The following SLC7A14 variants were observed in gnomAD, a reference collection of about 807,000 sequenced individuals.
SLC7A14 encodes the protein solute carrier family 7 member 14, also known as gamma-aminobutyric acid transporter SLC7A14.
In SLC7A14, 37 loss-of-function variants were observed where a neutral mutation model predicts 60.2. The ratio of observed to expected loss-of-function variants is 0.61; its 90% CI spans 0.47 to 0.81. The LOEUF is 0.81. SLC7A14 is among the 30% of genes least tolerant of loss of function. The pLI is 0.00. For synonymous variants in SLC7A14, 399 were observed against 395.8 expected, an observed-to-expected ratio of 1.01 and a Z score of -0.10; for missense variants, 886 against 982.7, an observed-to-expected ratio of 0.90 and a Z score of 1.32.
At chr3:170,520,445 C>G (rs948109151) in intron 2 of SLC7A14, among the ~76,000 whole-genome samples, 3 of 152,132 alleles carry the variant, frequency 2.0e-5, no homozygotes, top group Non-Finnish European at 4.4e-5. Context: ...CAATGGGACC[C>G]AATAGCAATG....
In SLC7A14 at chr3:170,467,271, G is replaced by T. The variant is rs1560245527; in HGVS notation, c.2100C>A (p.Asp700Glu). ...AGAAACCCTCCTCCACTGAGAAGGG[G>T]TCATCCACGTCGTAGCGTTGGTACG... ...QSTYQRYDVD[D>E]PFSVEEGFSY... is the part of the protein sequence containing the mutation. Residue 700 changes from aspartate (D) to glutamate (E), a missense_variant, in exon 8 of 8, where the codon GAC becomes GAA. Physicochemically the swap from Asp to Glu is conservative, Grantham distance 45. Transcript: ENST00000231706. 2 of 1,614,234 alleles carry T rather than the reference G, an allele frequency of 1.2e-6. No homozygotes were observed. The highest frequency in any genetic ancestry group is 1.7e-6 in the Non-Finnish European group (2 of 1,180,038).
chr3:170,551,036 G>A (rs1190758984), intron 1 of SLC7A14, among the ~76,000 whole-genome samples: 2 of 151,982 alleles, frequency 1.3e-5, no homozygotes, highest in African/African-American at 2.4e-5. Flanking sequence ...CCATACCCAT[G>A]AGCAGTTACT....
intron 2 of SLC7A14, among the ~76,000 whole-genome samples, chr3:170,520,876 C>T (rs920054288): frequency 3.3e-5 from 5 of 152,232 alleles, no homozygotes; most frequent in African/African-American, 7.2e-5. Context: ...GTCACTGGCA[C>T]GATGGCTTTG....
At chr3:170,520,916 G>C (rs1713321846) in intron 2 of SLC7A14, among the ~76,000 whole-genome samples, 1 of 152,196 alleles carries the variant, frequency 6.6e-6, no homozygotes, top group Non-Finnish European at 1.5e-5. Flanking sequence ...AACTACATTA[G>C]AGAACCTCTG....
At chr3:170,495,432 G>A (rs932126752) in intron 4 of SLC7A14, among the ~76,000 whole-genome samples, 7 of 152,212 alleles carry the variant, frequency 4.6e-5, no homozygotes, top group Non-Finnish European at 8.8e-5. Flanking sequence ...CTCCACTCCT[G>A]CCTCCACCAT....
At chr3:170,579,842 A>G (rs1577577916) in intron 1 of SLC7A14, among the ~76,000 whole-genome samples, 1 of 152,050 alleles carries the variant, frequency 6.6e-6, no homozygotes, top group African/African-American at 2.4e-5. Context: ...AGAACACACA[A>G]CTCCATTTAA....
At chr3:170,566,171 C>T (rs921251389) in intron 1 of SLC7A14, among the ~76,000 whole-genome samples, 1 of 152,164 alleles carries the variant, frequency 6.6e-6, no homozygotes, top group Non-Finnish European at 1.5e-5. Flanking sequence ...CCCAGCTCCA[C>T]CCCTCTGGGT....
intron 1 of SLC7A14, among the ~76,000 whole-genome samples, chr3:170,534,536 C>T (rs1420434763): frequency 1.3e-5 from 2 of 152,122 alleles, no homozygotes; most frequent in East Asian, 1.9e-4. Flanking sequence ...CCTTACTATG[C>T]ACTAGGCAAA....
rs1294014016 is a variant in SLC7A14 at position 170,465,079 on chromosome 3, A to G, written c.*1976T>C. On this transcript the variant is annotated 3_prime_UTR_variant, in exon 8 of 8. Coordinates refer to ENST00000231706, the MANE Select transcript of SLC7A14 (RefSeq NM_020949.3). ...TATGGTTAACTCTAGGGAAGAGAAA[A>G]CATAGCATTGTCAAGCATGATATTA... 1 of 152,252 alleles carries G rather than the reference A, an allele frequency of 6.6e-6. No homozygotes were observed. The highest frequency in any genetic ancestry group is 1.5e-5 in the Non-Finnish European group (1 of 68,036). The allele number at this position is 152,252 out of a possible 1,614,324, so 9.4% of individuals were successfully genotyped here.
chr3:170,470,707 C>T (rs1291657570), intron 7 of SLC7A14, among the ~76,000 whole-genome samples: 2 of 145,008 alleles, frequency 1.4e-5, no homozygotes, highest in African/African-American at 5.1e-5. Flanking sequence ...GACAAAGAAA[C>T]AGAGAGGAAC....
chr3:170,576,907 G>A (rs1715107752), intron 1 of SLC7A14, among the ~76,000 whole-genome samples: 1 of 152,080 alleles, frequency 6.6e-6, no homozygotes. Flanking sequence ...CCATTAATTT[G>A]GAAGAAACCA....
intron 4 of SLC7A14, among the ~76,000 whole-genome samples, chr3:170,488,196 T>G (rs374570871): frequency 3.0e-4 from 46 of 152,326 alleles, no homozygotes; most frequent in African/African-American, 1.1e-3. Flanking sequence ...TCATCAAACA[T>G]CCAGGTGGTC....
chr3:170,524,182 C>T (rs1713423689), intron 2 of SLC7A14, among the ~76,000 whole-genome samples: 2 of 152,176 alleles, frequency 1.3e-5, no homozygotes, highest in African/African-American at 4.8e-5. Context: ...ACAACTAATT[C>T]TCTGAACAAT....
intron 6 of SLC7A14, among the ~76,000 whole-genome samples, chr3:170,481,702 G>T (rs1711829980): frequency 6.6e-6 from 1 of 152,084 alleles, no homozygotes. Flanking sequence ...GCCTAGACTA[G>T]TTCTTTGATT....
chr3:170,488,949 G>C (rs1276574751), intron 4 of SLC7A14, among the ~76,000 whole-genome samples: 4 of 151,734 alleles, frequency 2.6e-5, no homozygotes, highest in African/African-American at 9.7e-5. Flanking sequence ...TTTGTACTTT[G>C]TTTTCATCCA....
At chr3:170,507,417 G>A (rs1413667206) in intron 2 of SLC7A14, among the ~76,000 whole-genome samples, 1 of 152,196 alleles carries the variant, frequency 6.6e-6, no homozygotes, top group Non-Finnish European at 1.5e-5. Context: ...GGAGCTCAGT[G>A]CGGTGAGCGT....
rs138223006 is a variant in SLC7A14, at chr3:170,532,829, T to C, written c.-152-5741A>G. Reference sequence around the variant, plus strand: ...CCCTGGGTTTCTCCTGGCTGCAGCCTGTGCACCTGGTACTTCCACTCCAAG... The same window carrying C: ...CCCTGGGTTTCTCCTGGCTGCAGCCCGTGCACCTGGTACTTCCACTCCAAG... On this transcript the variant is annotated intron_variant, in intron 1 of 7. Transcript: ENST00000231706. The surrounding 1 kb of genome is among the most constrained non-coding windows in gnomAD (Gnocchi z 4.0). 6.6e-6 allele frequency among the ~76,000 whole-genome samples: 1 copy of C among 152,332 alleles called. No homozygotes were observed. The highest frequency in any genetic ancestry group is 1.5e-5 in the Non-Finnish European group (1 of 68,020).
At chr3:170,478,024 A>C (rs1227519997) in intron 7 of SLC7A14, among the ~76,000 whole-genome samples, 1 of 152,236 alleles carries the variant, frequency 6.6e-6, no homozygotes, top group Non-Finnish European at 1.5e-5. Context: ...TCCAGTGGAA[A>C]AATGTTTAGA....
chr3:170,484,732 G>A (rs1022007351), intron 5 of SLC7A14, among the ~76,000 whole-genome samples: 4 of 152,210 alleles, frequency 2.6e-5, no homozygotes, highest in African/African-American at 9.6e-5. Flanking sequence ...GGGGCTGCCT[G>A]CTGACCAGTA....
Sources: allele counts gnomAD v4.1 joint callset (sites outside exome capture counted in the v4.1 genomes callset), GRCh38; gene constraint gnomAD v4.1.1; non-coding constraint Gnocchi (gnomAD v3.1); transcripts MANE v1.5; gene names NCBI Gene and HGNC (gene_info 2026-07-23, HGNC 2026-07-21).